Variants in NTRK2 observed in about 807,000 individuals in gnomAD.
The protein encoded by NTRK2 is BDNF/NT-3 growth factors receptor.
Under a neutral mutation model 94.5 loss-of-function variants are expected in NTRK2, and 13 were observed. That is an observed-to-expected ratio of 0.14 (90% CI 0.09 to 0.22). The LOEUF (loss-of-function observed/expected upper bound fraction) is 0.22, where lower values mean the gene tolerates loss of function less well. Among genes scored for constraint, NTRK2 ranks in the 10% least tolerant of loss-of-function variants. NTRK2 has a pLI of 1.00. For synonymous variants in NTRK2, 372 were observed against 407.4 expected (o/e 0.91, Z 1.05); for missense variants, 639 against 1,071.2 (o/e 0.60, Z 5.63).
At chr9:84,830,076 T>A (rs1190143260) in intron 12 of NTRK2, among the ~76,000 whole-genome samples, 1 of 152,190 alleles carries the variant, frequency 6.6e-6, no homozygotes, top group Non-Finnish European at 1.5e-5. Flanking sequence ...TCACCTATCA[T>A]CTCGCTGGTT....
At chr9:84,795,010 AC>A (rs1311962905) in intron 12 of NTRK2, among the ~76,000 whole-genome samples, 1 of 151,690 alleles carries the variant, frequency 6.6e-6, no homozygotes. Flanking sequence ...TGTGCCCTCC[AC>A]CCCCCAAATT....
At chr9:84,919,900 A>T (rs2077509857) in intron 14 of NTRK2, among the ~76,000 whole-genome samples, 1 of 152,202 alleles carries the variant, frequency 6.6e-6, no homozygotes, top group African/African-American at 2.4e-5. Context: ...TGCACCTAGA[A>T]AAAGGAAATC....
rs546001106 is a variant in NTRK2, at chr9:84,861,538, A to G, written c.1444+451A>G. On this transcript the variant is annotated intron_variant, in intron 13 of 18. Transcript: ENST00000277120. ...CCATTTATGACCATTCCTCTTTCAAAACAGATTCTAACGTCCAGACGCTGT... is the reference window on the plus strand; with the variant it reads ...CCATTTATGACCATTCCTCTTTCAAGACAGATTCTAACGTCCAGACGCTGT... Among the ~76,000 whole-genome samples the G allele has an allele frequency of 3.9e-5, 6 of 152,320 alleles. No homozygotes were observed. In the South Asian group the frequency reaches 1.2e-3, roughly 32 times the overall value.
At chr9:84,775,752 T>C (rs1245873590) in intron 12 of NTRK2, among the ~76,000 whole-genome samples, 1 of 152,192 alleles carries the variant, frequency 6.6e-6, no homozygotes, top group Non-Finnish European at 1.5e-5. Flanking sequence ...TTATATTTAG[T>C]TGCTGTTAGA....
At position 84,934,327 on chromosome 9, in the gene NTRK2, G is replaced by T. The variant is rs746918234; in HGVS notation, c.1764+35G>T. 2.2e-5 allele frequency: 35 copies of T among 1,612,100 alleles called. 1 individual carries two copies. The South Asian group carries it at 3.6e-4, about 17-fold the overall frequency. ...CATTCCAGAATGTCTCATTAACCAT[G>T]ATCACACTTACGTGTGGAAATTTAA... is the stretch of plus-strand genomic sequence containing the variant. On this transcript the variant is annotated intron_variant, in intron 15 of 18. Coordinates refer to ENST00000277120, the MANE Select transcript of NTRK2 (RefSeq NM_006180.6).
intron 12 of NTRK2, among the ~76,000 whole-genome samples, chr9:84,821,019 A>G (rs2072780243): frequency 2.0e-5 from 3 of 152,048 alleles, no homozygotes; most frequent in South Asian, 4.1e-4. Flanking sequence ...TAGCCATAAG[A>G]TCTCTGCTCT....
chr9:84,774,409 C>T (rs950626392), intron 12 of NTRK2, among the ~76,000 whole-genome samples: 4 of 152,172 alleles, frequency 2.6e-5, no homozygotes, highest in African/African-American at 9.7e-5. Context: ...TACTTTGTCT[C>T]GCTTAGTTTT....
chr9:84,677,296 CCT>C (rs1357914360), intron 2 of NTRK2, among the ~76,000 whole-genome samples: 5 of 152,094 alleles, frequency 3.3e-5, no homozygotes, highest in Non-Finnish European at 7.4e-5. Context: ...CTTTCTTCCC[CCT>C]GACTTCTCAA....
chr9:84,693,444 A>C (rs972551240), intron 2 of NTRK2, among the ~76,000 whole-genome samples: 1 of 152,212 alleles, frequency 6.6e-6, no homozygotes, highest in Non-Finnish European at 1.5e-5. Context: ...AGTGCTATAT[A>C]AACACTCAGA....
intron 6 of NTRK2, among the ~76,000 whole-genome samples, chr9:84,721,927 G>T (rs567044503): frequency 1.3e-5 from 2 of 152,212 alleles, no homozygotes; most frequent in Admixed American, 1.3e-4. Flanking sequence ...TGACTTCAAG[G>T]AGATTTTTCA....
chr9:84,916,780 C>A (rs2077406741), intron 14 of NTRK2, among the ~76,000 whole-genome samples: 1 of 152,150 alleles, frequency 6.6e-6, no homozygotes, highest in Non-Finnish European at 1.5e-5. Flanking sequence ...ATATTAAGAT[C>A]CTAGGCTTAG....
intron 17 of NTRK2, among the ~76,000 whole-genome samples, chr9:84,971,131 T>A (rs899914630): frequency 6.6e-6 from 1 of 152,194 alleles, no homozygotes. Context: ...ATTTGTTACA[T>A]CACTTCTAGA....
chr9:84,721,284 C>A (rs200509059), intron 6 of NTRK2, among the ~76,000 whole-genome samples: 1 of 152,024 alleles, frequency 6.6e-6, no homozygotes, highest in Non-Finnish European at 1.5e-5. Flanking sequence ...CAAGCAATTC[C>A]CCTGCCTCAG....
At chr9:84,860,530 C>CGTCTGT (rs967478225) in intron 12 of NTRK2, among the ~76,000 whole-genome samples, 29 of 151,956 alleles carry the variant, frequency 1.9e-4, no homozygotes, top group African/African-American at 6.8e-4. Flanking sequence ...CTTTTTTTAC[C>CGTCTGT]GTCTGTCTCA....
chr9:84,704,349 C>T lies in NTRK2; in HGVS notation c.359+1930C>T, dbSNP rs2060913711. Among the ~76,000 whole-genome samples, 7 of 151,256 alleles carry T rather than the reference C, an allele frequency of 4.6e-5. No individual in the cohort carries two copies. In the South Asian group the frequency reaches 1.5e-3, roughly 32 times the overall value. ...GTTCATGCCATTCTCCTGCCTCAGC[C>T]TCTCCAGTAGCTGGGACTACAGGCA... On this transcript the variant is annotated intron_variant, in intron 4 of 18. Coordinates refer to ENST00000277120, the MANE Select transcript of NTRK2 (RefSeq NM_006180.6).
chr9:84,767,033 C>T (rs1415643195), intron 12 of NTRK2, among the ~76,000 whole-genome samples: 2 of 152,144 alleles, frequency 1.3e-5, no homozygotes, highest in Non-Finnish European at 2.9e-5. Flanking sequence ...TGGCCATGGC[C>T]ACTTGAGACT....
chr9:84,903,730 C>A (rs544478516), intron 14 of NTRK2, among the ~76,000 whole-genome samples: 2 of 151,470 alleles, frequency 1.3e-5, no homozygotes, highest in African/African-American at 2.4e-5. Context: ...TCCTTCCTTG[C>A]CTCCCTCCCT....
At chr9:85,014,352 A>G (rs1455506989) in intron 17 of NTRK2, among the ~76,000 whole-genome samples, 1 of 152,206 alleles carries the variant, frequency 6.6e-6, no homozygotes, top group Admixed American at 6.5e-5. Flanking sequence ...ATACCTGGAA[A>G]ACGAGTGGTG....
intron 2 of NTRK2, among the ~76,000 whole-genome samples, chr9:84,690,307 C>G (rs1298672080): frequency 6.6e-6 from 1 of 152,172 alleles, no homozygotes; most frequent in Non-Finnish European, 1.5e-5. Flanking sequence ...TATCCTGAAG[C>G]TGGAGAAGAA....
Sources: gnomAD v4.1 joint callset for allele counts (sites outside exome capture counted in the v4.1 genomes callset) on GRCh38, gnomAD v4.1.1 for gene constraint, MANE v1.5 for transcripts, NCBI Gene and HGNC (gene_info 2026-07-23, HGNC 2026-07-21) for gene names.